The following NOL7 variants were observed in gnomAD, a reference collection of about 807,000 sequenced individuals.
NOL7 encodes nucleolar protein 7.
A neutral mutation model predicts 38.4 loss-of-function variants in NOL7; 36 were observed. The ratio of observed to expected loss-of-function variants is 0.94; its 90% CI spans 0.72 to 1.24. The LOEUF is 1.24. NOL7 is among the 50% of genes most tolerant of loss of function. NOL7 has a pLI of 0.00. For missense variants in NOL7, 350 were observed against 315.1 expected (o/e 1.11, Z -0.84); for synonymous variants, 142 against 126.5 (o/e 1.12, Z -0.82).
rs191903945 is a variant in NOL7, at chr6:13,629,492, T to C, written n.574-2901T>C. 3.6e-3 allele frequency among the ~76,000 whole-genome samples: 541 copies of C among 152,344 alleles called. 1 individual carries two copies. The highest frequency in any genetic ancestry group is 0.012 in the African/African-American group (503 of 41,584). On this transcript the variant is annotated intron_variant and non_coding_transcript_variant, in intron 8 of 8. Coordinates refer to the NOL7 transcript ENST00000474485. ...AACATTACCTCAGTGGAATAACTTC[T>C]GAGGGAAATGTGACATCATTTAGGT...
intron 8 of NOL7, among the ~76,000 whole-genome samples, chr6:13,627,071 C>G (rs1025330571): frequency 2.0e-5 from 3 of 152,158 alleles, no homozygotes; most frequent in Non-Finnish European, 4.4e-5. Context: ...GTTTTCTCCT[C>G]CAATTACAAT....
At chr6:13,615,921 G>C (rs191286492) in intron 2 of NOL7, 149 bp downstream of exon 2, 33 of 869,666 alleles carry the variant, frequency 3.8e-5, no homozygotes, top group South Asian at 1.1e-4. Context: ...GCTCGGGCCG[G>C]GCGCGGCAGT....
In NOL7 at chr6:13,615,525, A is replaced by T. The variant is rs990063143; in HGVS notation, c.167A>T (p.Asp56Val). Residue 56 changes from aspartate (D) to valine (V), a missense_variant, in exon 1 of 8, where the codon GAC becomes GTC. Transcript: ENST00000451315. ...AEPLEEDEEG[D>V]DEFDDEAPEE... ...CCCCTGGAGGAAGACGAGGAAGGGG[A>T]CGATGAGTTTGACGATGAGGCCCCG... 3 of 1,556,536 alleles carry T rather than the reference A, an allele frequency of 1.9e-6. No individual in the cohort carries two copies. The African/African-American group carries it at 4.1e-5, about 21-fold the overall frequency.
At chr6:13,625,848 A>G (rs1430859728), downstream of NOL7, 6 of 974,514 alleles carry the variant, frequency 6.2e-6, no homozygotes, top group East Asian at 2.4e-5. Flanking sequence ...GAGGTAAAAT[A>G]TGGCTTCCAG....
At chr6:13,632,063 A>G (rs1260130017) in intron 8 of NOL7, among the ~76,000 whole-genome samples, 1 of 149,412 alleles carries the variant, frequency 6.7e-6, no homozygotes, top group Non-Finnish European at 1.5e-5. Context: ...AAAACTAAGA[A>G]ACTAAGTTAA....
Position 13,617,245 on chromosome 6 carries a change from G to GCC in NOL7, c.387-517_387-516dup, listed in dbSNP as rs200867465. On this transcript the variant is annotated intron_variant, in intron 3 of 7. Coordinates refer to ENST00000451315, the MANE Select transcript of NOL7 (RefSeq NM_016167.5). ...AAGTGTCACCTTTACCTTCTCATTT[G>GCC]CCCCCCCCCACCTCCCATCACTTCC... Among the ~76,000 whole-genome samples, 615 of 148,292 alleles carry GCC rather than the reference G, an allele frequency of 4.1e-3. 6 individuals are homozygous for GCC. The highest frequency in any genetic ancestry group is 0.015 in the African/African-American group (586 of 39,846).
chr6:13,615,659 C>CT (rs750692906), intron 1 of NOL7, 35 bp downstream of exon 1: 2 of 1,613,374 alleles, frequency 1.2e-6, no homozygotes, highest in South Asian at 2.2e-5. Context: ...GAGAACCGCC[C>CT]TTTCTCGTCC....
chr6:13,628,265 C>T (rs1764678245), intron 8 of NOL7, among the ~76,000 whole-genome samples: 2 of 152,066 alleles, frequency 1.3e-5, no homozygotes, highest in African/African-American at 4.8e-5. Flanking sequence ...CAGTACAGTT[C>T]AACATACAGC....
Position 13,615,447 on chromosome 6 carries a change from A to T in NOL7, c.89A>T (p.Glu30Val). 1.3e-6 allele frequency: 2 copies of T among 1,549,712 alleles called. No individual in the cohort carries two copies. The highest frequency in any genetic ancestry group is 8.7e-7 in the Non-Finnish European group (1 of 1,146,758). Residue 30 changes from glutamate (E) to valine (V), a missense_variant, in exon 1 of 8, where the codon GAG (glutamate) becomes GTG (valine). Transcript: ENST00000451315. ...GGCCAGCTGGCCTCGGAGGAGGAGG[A>T]GGCGGAGCACGGGCTGTTGCTCGGG... ...DEGQLASEEE[E>V]AEHGLLLGQP...
At position 13,618,176 on chromosome 6, in the gene NOL7, G is replaced by A. The variant is rs1187388036; in HGVS notation, c.500+37G>A. 4 of 1,011,328 alleles carry A rather than the reference G, an allele frequency of 4.0e-6. No homozygotes were observed. The East Asian group carries it at 9.5e-5, about 24-fold the overall frequency. 62.6% of individuals were successfully genotyped at this position (1,011,328 alleles called of 1,614,324 possible). A position where few individuals can be genotyped will look rare whatever the true frequency, so the allele number is the denominator to read the frequency against. On this transcript the variant is annotated intron_variant, in intron 5 of 7. Transcript: ENST00000451315. ...TTTGTTTCATTTGGGATGTAAAGGA[G>A]ACCTTTAAGAGAGTTAAAGTATTGG...
In NOL7 at chr6:13,620,754, G is replaced by T; in HGVS notation, c.701G>T (p.Gly234Val). The T allele has an allele frequency of 6.3e-7, 1 of 1,584,080 alleles. No homozygotes were observed. Among genetic ancestry groups the T allele is most frequent in the Admixed American group, 1.8e-5 (1 of 54,948 alleles). Residue 234 changes from glycine (G) to valine (V), a missense_variant and splice_region_variant, in exon 8 of 8, where the codon GGA becomes GTA. Gly to Val is a moderately radical substitution (Grantham distance 109). Transcript: ENST00000451315. ...AAVQFLNNAW[G>V]IQKKQNAKRF... The stretch of plus-strand genomic sequence containing the variant: ...TACTGCAGAAAACTTTATATTCTAG[G>T]AATCCAAAAAAAACAAAATGCCAAG...
At chr6:13,618,647 T>C (rs1450955301) in intron 5 of NOL7, among the ~76,000 whole-genome samples, 1 of 152,078 alleles carries the variant, frequency 6.6e-6, no homozygotes, top group Non-Finnish European at 1.5e-5. Flanking sequence ...CCCAGCGTTT[T>C]GGGAGGCTGA....
chr6:13,620,695 A>T (rs918316386), intron 7 of NOL7, 59 bp from the exon 8 acceptor site: 7 of 1,208,830 alleles, frequency 5.8e-6, no homozygotes, highest in African/African-American at 1.6e-5. Flanking sequence ...TAGAGTAATT[A>T]AAAAAATTTT....
chr6:13,618,120 C>T lies in NOL7; in HGVS notation c.481C>T (p.Gln161Ter), dbSNP rs776365553. The stretch of plus-strand genomic sequence containing the variant: ...AAATGACTCCAAGAAAGTTAAAGTA[C>T]AAAAAGTACAGTCTGTCAGGTAATG... ...KGNDSKKVKV[Q>*]KVQSVSQNKS... Residue 161 changes from glutamine to a stop codon, truncating the protein, a stop_gained, in exon 5 of 8, where the codon CAA becomes TAA. Coordinates refer to ENST00000451315, the MANE Select transcript of NOL7 (RefSeq NM_016167.5). LOFTEE classifies it high-confidence loss of function. The T allele has an allele frequency of 6.3e-7, 1 of 1,589,766 alleles. No homozygotes were observed. The highest frequency in any genetic ancestry group is 8.6e-7 in the Non-Finnish European group (1 of 1,159,780).
Position 13,618,099 on chromosome 6 carries a change from G to C in NOL7, c.460G>C (p.Asp154His), listed in dbSNP as rs1196736737. Reference protein sequence around the residue: ...KKNEDCEKGNDSKKVKVQKVQ... With the variant: ...KKNEDCEKGNHSKKVKVQKVQ... ...AAATGAAGACTGTGAAAAAGGAAAT[G>C]ACTCCAAGAAAGTTAAAGTACAAAA... Residue 154 changes from aspartate (D) to histidine (H), a missense_variant, in exon 5 of 8, where the codon GAC becomes CAC. Transcript: ENST00000451315. 1 of 1,590,956 alleles carries C rather than the reference G, an allele frequency of 6.3e-7. No homozygotes were observed. Among genetic ancestry groups the C allele is most frequent in the African/African-American group, 1.3e-5 (1 of 74,216 alleles).
chr6:13,619,270 T>C (rs898271122), intron 5 of NOL7, among the ~76,000 whole-genome samples: 1 of 152,246 alleles, frequency 6.6e-6, no homozygotes, highest in Non-Finnish European at 1.5e-5. Flanking sequence ...TCCCTGACAA[T>C]ATGGCCTTAT....
chr6:13,620,137 T>C (rs1764400218), intron 5 of NOL7, 71 bp from the exon 6 acceptor site: 1 of 1,513,180 alleles, frequency 6.6e-7, no homozygotes. Context: ...AGCGAGACTC[T>C]GTCTCAGGAA....
intron 8 of NOL7, among the ~76,000 whole-genome samples, chr6:13,627,027 T>C (rs1178398722): frequency 1.3e-5 from 2 of 152,208 alleles, no homozygotes; most frequent in African/African-American, 4.8e-5. Context: ...GGCTCCTCCA[T>C]TGTTTTATAT....
Position 13,615,496 on chromosome 6 carries a change from C to T in NOL7, c.138C>T (p.Ala46=), listed in dbSNP as rs1315177692. The T allele has an allele frequency of 6.4e-7, 1 of 1,553,046 alleles. No individual in the cohort carries two copies. The highest frequency in any genetic ancestry group is 1.4e-5 in the African/African-American group (1 of 73,318). ...LLGQPSSGAA[A]EPLEEDEEGD... ...GGCAGCCCAGCAGCGGCGCGGCCGC[C>T]GAGCCCCTGGAGGAAGACGAGGAAG... is the stretch of plus-strand genomic sequence containing the variant. The change falls in exon 1 of 8, where the codon GCC becomes GCT. Residue 46 remains alanine (A), a synonymous_variant. Coordinates refer to ENST00000451315, the MANE Select transcript of NOL7 (RefSeq NM_016167.5).
Sources: allele counts gnomAD v4.1 joint callset (sites outside exome capture counted in the v4.1 genomes callset), GRCh38; gene constraint gnomAD v4.1.1; transcripts MANE v1.5; gene names NCBI Gene and HGNC (gene_info 2026-07-23, HGNC 2026-07-21).